CFAP221: variants seen among roughly 807,000 people sequenced by gnomAD.
CFAP221 encodes cilia and flagella associated protein 221, also known as cilia- and flagella-associated protein 221.
In CFAP221, 97 loss-of-function variants were observed where a neutral mutation model predicts 113.1. The observed-to-expected ratio is 0.86, with a 90% CI of 0.73 to 1.02. CFAP221 has a LOEUF of 1.02. Ranked by LOEUF, CFAP221 falls within the 50% of genes least tolerant of loss-of-function variation. The pLI, the probability that CFAP221 is intolerant of heterozygous loss-of-function variation, is 0.00. For synonymous variants in CFAP221, 331 were observed against 354.4 expected (o/e 0.93, Z 0.74); for missense variants, 1,025 against 1,013.4 (o/e 1.01, Z -0.16).
intron 22 of CFAP221, among the ~76,000 whole-genome samples, chr2:119,648,861 T>C (rs930955121): frequency 6.6e-6 from 1 of 152,196 alleles, no homozygotes; most frequent in African/African-American, 2.4e-5. Flanking sequence ...CAGATGCTCC[T>C]GCGTGCTTCT....
At chr2:119,555,601 A>T (rs1461974599) in intron 3 of CFAP221, among the ~76,000 whole-genome samples, 1 of 152,236 alleles carries the variant, frequency 6.6e-6, no homozygotes, top group Non-Finnish European at 1.5e-5. Context: ...TCTAAAAATA[A>T]AGCTGATCTG....
intron 21 of CFAP221, among the ~76,000 whole-genome samples, chr2:119,643,795 T>A (rs912381473): frequency 6.6e-6 from 1 of 151,954 alleles, no homozygotes; most frequent in African/African-American, 2.4e-5. Flanking sequence ...TCCGCCCACC[T>A]CAGCCTCCCA....
chr2:119,549,712 C>T (rs933479549), intron 3 of CFAP221, among the ~76,000 whole-genome samples: 13 of 152,138 alleles, frequency 8.5e-5, no homozygotes, highest in South Asian at 2.1e-4. Flanking sequence ...CTTTTACCTG[C>T]GTGGGTCAGA....
chr2:119,564,209 CCTT>C (rs1341781344), intron 6 of CFAP221, among the ~76,000 whole-genome samples: 1 of 151,996 alleles, frequency 6.6e-6, no homozygotes, highest in African/African-American at 2.4e-5. Flanking sequence ...GCTTTGAGGT[CCTT>C]CTTTTTCAGT....
intron 21 of CFAP221, among the ~76,000 whole-genome samples, chr2:119,640,226 AG>A (rs201431215): frequency 2.7e-5 from 4 of 149,286 alleles, no homozygotes; most frequent in African/African-American, 9.9e-5. Context: ...AAAAAAAAAA[AG>A]GAAAAAAAAT....
At chr2:119,568,823 T>C (rs1435957350) in intron 6 of CFAP221, among the ~76,000 whole-genome samples, 2 of 152,206 alleles carry the variant, frequency 1.3e-5, no homozygotes, top group African/African-American at 4.8e-5. Context: ...TAAGTTCAAG[T>C]TTTGACCCAT....
chr2:119,572,539 T>C (rs1403023504), intron 6 of CFAP221: 1 of 701,634 alleles, frequency 1.4e-6, no homozygotes, highest in Admixed American at 2.0e-5. Context: ...TGCTCTGTAG[T>C]TTACCCAACA....
At chr2:119,610,524 A>C (rs1685078408) in intron 12 of CFAP221, among the ~76,000 whole-genome samples, 7 of 152,036 alleles carry the variant, frequency 4.6e-5, no homozygotes, top group Admixed American at 4.6e-4. Context: ...CTAGTGATCT[A>C]TTTGCCAGTC....
intron 3 of CFAP221, among the ~76,000 whole-genome samples, chr2:119,551,181 T>A (rs1370173223): frequency 2.6e-5 from 4 of 152,232 alleles, no homozygotes; most frequent in African/African-American, 7.2e-5. Flanking sequence ...TGTTTCCACA[T>A]TGGGGCTATC....
intron 6 of CFAP221, among the ~76,000 whole-genome samples, chr2:119,567,175 G>A (rs527415878): frequency 5.3e-5 from 8 of 152,284 alleles, no homozygotes; most frequent in Admixed American, 1.3e-4. Flanking sequence ...TCTTGGTGCT[G>A]TATAGCCTGT....
At chr2:119,611,605 T>A in intron 12 of CFAP221, 48 bp from the exon 13 acceptor site, 1 of 1,508,828 alleles carries the variant, frequency 6.6e-7, no homozygotes, top group Non-Finnish European at 9.1e-7. Context: ...ACAAATTGTT[T>A]TACGCATTTA....
chr2:119,596,120 G>T lies in CFAP221; in HGVS notation c.632-5098G>T, dbSNP rs1683950268. Among the ~76,000 whole-genome samples, 3 of 152,258 alleles carry T rather than the reference G, an allele frequency of 2.0e-5. No individual in the cohort carries two copies. In the South Asian group the frequency reaches 6.2e-4, roughly 32 times the overall value. Reference sequence around the variant, plus strand: ...GAAGCAGAGGGTGACATGGCCTGATGCATATTTTAAAAAGTCTCTTTGGCT... The same window carrying T: ...GAAGCAGAGGGTGACATGGCCTGATTCATATTTTAAAAAGTCTCTTTGGCT... On this transcript the variant is annotated intron_variant, in intron 7 of 23. Transcript: ENST00000413369.
downstream of CFAP221, chr2:119,660,224 G>A (rs746113825): frequency 6.6e-6 from 1 of 152,190 alleles, no homozygotes; most frequent in Non-Finnish European, 1.5e-5. Context: ...TGGGGATCTG[G>A]TGCCACCTGG....
chr2:119,570,510 C>G lies in CFAP221; in HGVS notation c.527+8396C>G, dbSNP rs181369472. Among the ~76,000 whole-genome samples the G allele has an allele frequency of 1.8e-4, 27 of 152,320 alleles. No homozygotes were observed. In the East Asian group the frequency reaches 4.0e-3, roughly 23 times the overall value. On this transcript the variant is annotated intron_variant, in intron 6 of 23. Coordinates refer to ENST00000413369, the MANE Select transcript of CFAP221 (RefSeq NM_001271049.2). ...TATAACCCCCCCAAAAAAACCCATA[C>G]CAACACCTATATCCCACTCTCAAAC...
chr2:119,651,439 G>T (rs1172158854), intron 22 of CFAP221, among the ~76,000 whole-genome samples: 1 of 150,794 alleles, frequency 6.6e-6, no homozygotes, highest in African/African-American at 2.4e-5. Flanking sequence ...TAAGTCCCTA[G>T]AGAAAAAGTT....
rs117975880 is a variant in CFAP221, at chr2:119,644,171, A to C, written c.2226-2787A>C. ...CCATCTCAAAAGAAAATAAACAAAA[A>C]TTTAAAAAATAAATAAAAGCAAAAC... is the stretch of plus-strand genomic sequence containing the variant. On this transcript the variant is annotated intron_variant, in intron 21 of 23. Transcript: ENST00000413369. Among the ~76,000 whole-genome samples, 559 of 152,268 alleles carry C rather than the reference A, an allele frequency of 3.7e-3. 8 individuals are homozygous for C. The highest frequency in any genetic ancestry group is 0.027 in the Admixed American group (417 of 15,294).
In CFAP221 at chr2:119,591,150, C is replaced by T. The variant is rs185591055; in HGVS notation, c.631+3928C>T. The stretch of plus-strand genomic sequence containing the variant: ...ACTTCCAGGTCAGCAAATGGAGGAA[C>T]AGCTGGGGGCCATATGCAGGGTTGG... On this transcript the variant is annotated intron_variant, in intron 7 of 23. Coordinates refer to ENST00000413369, the MANE Select transcript of CFAP221 (RefSeq NM_001271049.2). 1.6e-4 allele frequency among the ~76,000 whole-genome samples: 25 copies of T among 152,248 alleles called. No individual in the cohort carries two copies. The East Asian group carries it at 4.1e-3, about 25-fold the overall frequency.
intron 22 of CFAP221, among the ~76,000 whole-genome samples, chr2:119,650,806 A>G (rs1179780071): frequency 6.6e-6 from 1 of 152,228 alleles, no homozygotes; most frequent in Non-Finnish European, 1.5e-5. Flanking sequence ...TTTCAATCTA[A>G]TGAGGCTAGA....
intron 14 of CFAP221, among the ~76,000 whole-genome samples, chr2:119,617,811 C>A (rs1000478673): frequency 6.6e-6 from 1 of 152,236 alleles, no homozygotes; most frequent in Non-Finnish European, 1.5e-5. Context: ...TGTTCTGTAA[C>A]AGTTGAAATA....
Sources: allele counts gnomAD v4.1 joint callset (sites outside exome capture counted in the v4.1 genomes callset), GRCh38; gene constraint gnomAD v4.1.1; transcripts MANE v1.5; gene names NCBI Gene and HGNC (gene_info 2026-07-23, HGNC 2026-07-21).